PUM2: variants seen among roughly 807,000 people sequenced by gnomAD.
PUM2 encodes pumilio RNA binding family member 2.
In PUM2, 57 loss-of-function variants were observed where a neutral mutation model predicts 124.5. The ratio of observed to expected loss-of-function variants is 0.46; its 90% CI spans 0.37 to 0.57. The LOEUF is 0.57. PUM2 is among the 20% of genes least tolerant of loss of function. PUM2 has a pLI of 0.00. For missense variants in PUM2, 1,065 were observed against 1,290.6 expected, an observed-to-expected ratio of 0.83 and a Z score of 2.68; for synonymous variants, 460 against 446.1, an observed-to-expected ratio of 1.03 and a Z score of -0.39.
At chr2:20,336,991 T>C (rs906190434) in intron 1 of PUM2, among the ~76,000 whole-genome samples, 1 of 152,156 alleles carries the variant, frequency 6.6e-6, no homozygotes, top group Non-Finnish European at 1.5e-5. Context: ...AGACATTATA[T>C]GATTCATAAT....
chr2:20,252,840 T>C (rs1663781149), intron 20 of PUM2, among the ~76,000 whole-genome samples: 1 of 152,228 alleles, frequency 6.6e-6, no homozygotes, highest in Non-Finnish European at 1.5e-5. Context: ...GCCATCTGCA[T>C]ATGTGGATTC....
intron 1 of PUM2, among the ~76,000 whole-genome samples, chr2:20,328,079 A>T (rs747194527): frequency 2.6e-5 from 4 of 152,206 alleles, no homozygotes; most frequent in Non-Finnish European, 5.9e-5. Context: ...TCACGACTAT[A>T]ATCTCAGCAC....
At chr2:20,266,783 T>C (rs1307884273) in intron 13 of PUM2, among the ~76,000 whole-genome samples, 1 of 152,124 alleles carries the variant, frequency 6.6e-6, no homozygotes, top group Non-Finnish European at 1.5e-5. Flanking sequence ...AAAAGAGCAG[T>C]GATGAAAGTA....
chr2:20,254,904 G>T lies in PUM2; in HGVS notation c.2829C>A (p.Ile943=). The change falls in exon 19 of 21, where the codon ATC becomes ATA. Residue 943 remains isoleucine (I), a synonymous_variant. Transcript: ENST00000361078. ...GACTCAGGGCTAAAACCTTTCCCCT[G>T]ATTTCGGAAACAATTTTGCTCTTGT... ...PEDKSKIVSE[I]RGKVLALSQH... 6.2e-7 allele frequency: 1 copy of T among 1,613,990 alleles called. No individual in the cohort carries two copies. The highest frequency in any genetic ancestry group is 8.5e-7 in the Non-Finnish European group (1 of 1,179,928).
At chr2:20,346,831 T>C (rs1341060695) in intron 1 of PUM2, among the ~76,000 whole-genome samples, 1 of 152,222 alleles carries the variant, frequency 6.6e-6, no homozygotes, top group Non-Finnish European at 1.5e-5. Flanking sequence ...TCATAGCCAA[T>C]TGTACCAAGT....
At chr2:20,259,678 C>T (rs922575246) in intron 15 of PUM2, among the ~76,000 whole-genome samples, 2 of 152,152 alleles carry the variant, frequency 1.3e-5, no homozygotes, top group African/African-American at 2.4e-5. Flanking sequence ...TTTATCTACT[C>T]ATCTGTTGAC....
At chr2:20,349,928 C>G (rs781617033) in intron 1 of PUM2, among the ~76,000 whole-genome samples, 53 of 152,208 alleles carry the variant, frequency 3.5e-4, no homozygotes, top group Non-Finnish European at 1.0e-4. Flanking sequence ...AACTTTTACA[C>G]GTGTTTGGGC....
chr2:20,259,684 T>C (rs778310099), intron 15 of PUM2, among the ~76,000 whole-genome samples: 2 of 152,246 alleles, frequency 1.3e-5, no homozygotes, highest in Admixed American at 6.5e-5. Flanking sequence ...TACTCATCTG[T>C]TGACGGACAC....
In PUM2 at chr2:20,282,996, G is replaced by C; in HGVS notation, c.1671C>G (p.Asn557Lys). The change falls in exon 12 of 21, where the codon AAC (asparagine) becomes AAG (lysine). Residue 557 changes from asparagine (N) to lysine (K), a missense_variant. By Grantham distance (94) the Asn-to-Lys change is moderately conservative. Around this residue, in one of 3 missense-constraint regions of PUM2, gnomAD observed 968 missense variants for 1,159.8 expected, o/e 0.83. Transcript: ENST00000361078. ...GSTSLGFGSG[N>K]SLGAAIGSAL... ...CTGAGCCTATAGCAGCACCCAAAGA[G>C]TTACCACTTCCAAAGCCAAGAGATG... is the stretch of plus-strand genomic sequence containing the variant. 1 of 1,614,094 alleles carries C rather than the reference G, an allele frequency of 6.2e-7. No individual in the cohort carries two copies. The highest frequency in any genetic ancestry group is 1.1e-5 in the South Asian group (1 of 91,078).
Position 20,251,552 on chromosome 2 carries a change from G to T in PUM2, c.*33C>A, listed in dbSNP as rs770369188. The T allele has an allele frequency of 1.7e-5, 27 of 1,585,676 alleles. 1 individual carries two copies. The South Asian group carries it at 2.4e-4, about 14-fold the overall frequency. Reference sequence around the variant, plus strand: ...CACACAAAAAAATTCTTTTCACATGGTTAAATTATCTTCTTTCTCTTGCTC... The same window carrying T: ...CACACAAAAAAATTCTTTTCACATGTTTAAATTATCTTCTTTCTCTTGCTC... On this transcript the variant is annotated 3_prime_UTR_variant, in exon 21 of 21. Transcript: ENST00000361078.
At chr2:20,327,427 ACTT>A (rs576438218) in intron 1 of PUM2, 49 bp from the exon 2 acceptor site, 62 of 1,133,766 alleles carry the variant, frequency 5.5e-5, no homozygotes, top group East Asian at 3.3e-4. Context: ...GTTTAAACAG[ACTT>A]CTTCAACTAT....
chr2:20,256,864 T>A (rs1361678598), intron 16 of PUM2, among the ~76,000 whole-genome samples: 1 of 151,714 alleles, frequency 6.6e-6, no homozygotes, highest in African/African-American at 2.4e-5. Context: ...CCGGGCGACA[T>A]GGCTCCGATT....
chr2:20,310,117 A>T (rs987197693), intron 5 of PUM2, among the ~76,000 whole-genome samples: 2 of 152,100 alleles, frequency 1.3e-5, no homozygotes, highest in Non-Finnish European at 2.9e-5. Context: ...ATGACATATT[A>T]GTTAATGTAG....
At chr2:20,329,567 G>A (rs975997017) in intron 1 of PUM2, among the ~76,000 whole-genome samples, 3 of 152,128 alleles carry the variant, frequency 2.0e-5, no homozygotes, top group Admixed American at 6.6e-5. Context: ...TTAGAGAAAC[G>A]TTACAGACTG....
At chr2:20,322,466 C>T (rs1053143673) in intron 2 of PUM2, among the ~76,000 whole-genome samples, 4 of 151,724 alleles carry the variant, frequency 2.6e-5, no homozygotes, top group Admixed American at 6.6e-5. Context: ...ATAAATTAGC[C>T]GGGTGTGGTG....
intron 7 of PUM2, among the ~76,000 whole-genome samples, chr2:20,304,122 T>C (rs1188514354): frequency 2.6e-5 from 4 of 152,212 alleles, no homozygotes; most frequent in Non-Finnish European, 4.4e-5. Context: ...AACCAGGTCT[T>C]TTATTAGTAG....
At chr2:20,326,184 G>T in intron 2 of PUM2, 2 of 1,152,378 alleles carry the variant, frequency 1.7e-6, no homozygotes, top group Non-Finnish European at 1.1e-6. Flanking sequence ...ATTTTTCTTA[G>T]GGTTGAGAAT....
intron 10 of PUM2, among the ~76,000 whole-genome samples, chr2:20,286,960 T>A (rs1371435018): frequency 6.6e-6 from 1 of 151,988 alleles, no homozygotes; most frequent in Non-Finnish European, 1.5e-5. Flanking sequence ...AGTCTGTGAC[T>A]GGTTAGATGA....
chr2:20,275,108 T>C lies in PUM2; in HGVS notation c.1957+3475A>G, dbSNP rs150738394. ...ACCTGAAGCCCAGAATTTTACACTG[T>C]TCTCTGCATTTCAGGGTATAAACTA... On this transcript the variant is annotated intron_variant, in intron 13 of 20. Transcript: ENST00000361078. Among the ~76,000 whole-genome samples, 966 of 152,006 alleles carry C rather than the reference T, an allele frequency of 6.4e-3. 8 individuals carry two copies. The highest frequency in any genetic ancestry group is 8.8e-3 in the Non-Finnish European group (600 of 67,918).
Sources: allele counts gnomAD v4.1 joint callset (sites outside exome capture counted in the v4.1 genomes callset), GRCh38; gene constraint gnomAD v4.1.1; regional missense constraint gnomAD v4.1.1; transcripts MANE v1.5; gene names NCBI Gene and HGNC (gene_info 2026-07-23, HGNC 2026-07-21).